Variants in SH3BP2 observed in about 807,000 individuals in gnomAD.
SH3BP2 encodes the protein SH3 domain binding protein 2, also known as SH3 domain-binding protein 2.
SH3BP2 carries 38 observed loss-of-function variants against 56.2 expected under a neutral mutation model. That is an observed-to-expected ratio of 0.68 (90% CI 0.52 to 0.89). SH3BP2 has a LOEUF of 0.89. Ranked by LOEUF, SH3BP2 falls within the 40% of genes least tolerant of loss-of-function variation. The pLI is 0.00. For missense variants in SH3BP2, 748 were observed against 762.6 expected (o/e 0.98, Z 0.23); for synonymous variants, 346 against 316.7 (o/e 1.09, Z -0.98).
intron 7 of SH3BP2, among the ~76,000 whole-genome samples, chr4:2,828,059 C>G (rs984673069): frequency 1.3e-5 from 2 of 152,232 alleles, no homozygotes; most frequent in African/African-American, 4.8e-5. Context: ...CCCACCCCAC[C>G]CCATCCCATC....
intron 1 of SH3BP2, among the ~76,000 whole-genome samples, chr4:2,795,845 C>T (rs991445791): frequency 7.9e-5 from 12 of 152,176 alleles, no homozygotes; most frequent in African/African-American, 2.9e-4. Context: ...TGGAATCCTT[C>T]CTCCAGGATA....
rs111920545 is a variant in SH3BP2, at chr4:2,834,000, G to C, written c.*166G>C. ...GGACCCAGCCAGTCTCATCCAGCAGGTTGGGTTCTAGGGCTGAACCAGGCG... is the reference window on the plus strand; with the variant it reads ...GGACCCAGCCAGTCTCATCCAGCAGCTTGGGTTCTAGGGCTGAACCAGGCG... On this transcript the variant is annotated 3_prime_UTR_variant, in exon 13 of 13. Coordinates refer to ENST00000503393, the MANE Select transcript of SH3BP2 (RefSeq NM_001122681.2). The C allele has an allele frequency of 2.6e-4, 221 of 859,506 alleles. 1 individual carries two copies. In the African/African-American group the frequency reaches 2.9e-3, roughly 11 times the overall value. The allele number at this position is 859,506 out of a possible 1,614,324, so 53.2% of individuals were successfully genotyped here.
intron 12 of SH3BP2, chr4:2,833,255 G>T (rs1725096958): frequency 3.1e-6 from 2 of 636,826 alleles, no homozygotes; most frequent in Non-Finnish European, 5.7e-6. Context: ...GTCCTCCACT[G>T]ACCCTAGTGG....
intron 1 of SH3BP2, among the ~76,000 whole-genome samples, chr4:2,805,238 G>A (rs1723483587): frequency 6.6e-6 from 1 of 152,212 alleles, no homozygotes; most frequent in South Asian, 2.1e-4. Context: ...GGCTGGTGTG[G>A]GCGTGGGGTG....
At chr4:2,798,953 T>TG (rs1317568629) in intron 1 of SH3BP2, 22 of 981,830 alleles carry the variant, frequency 2.2e-5, no homozygotes, top group Non-Finnish European at 2.7e-5. Flanking sequence ...ATCCAGCTGC[T>TG]GGGGCGGGGT....
intron 8 of SH3BP2, among the ~76,000 whole-genome samples, chr4:2,830,384 CAG>C (rs1371566084): frequency 6.6e-6 from 1 of 152,076 alleles, no homozygotes; most frequent in African/African-American, 2.4e-5. Flanking sequence ...CTTTTTGAGA[CAG>C]GGTCTCACGC....
At chr4:2,824,851 GAGA>G in intron 4 of SH3BP2, 121 bp downstream of exon 4, 1 of 809,098 alleles carries the variant, frequency 1.2e-6, no homozygotes, top group Non-Finnish European at 2.1e-6. Context: ...CCCGGGCAAA[GAGA>G]AGGTGTGGCT....
chr4:2,802,402 A>ATGTG (rs1467639495), intron 1 of SH3BP2, among the ~76,000 whole-genome samples: 8 of 100,428 alleles, frequency 8.0e-5, no homozygotes, highest in African/African-American at 2.3e-4. Flanking sequence ...TCAAAAAAAT[A>ATGTG]TATGTGTGTG....
At position 2,800,549 on chromosome 4, in the gene SH3BP2, G is replaced by A. The variant is rs573652838; in HGVS notation, c.-5+7411G>A. Among the ~76,000 whole-genome samples the A allele has an allele frequency of 4.2e-3, 631 of 148,478 alleles. 7 individuals carry two copies. Among genetic ancestry groups the A allele is most frequent in the African/African-American group, 0.015 (600 of 40,638 alleles). On this transcript the variant is annotated intron_variant, in intron 1 of 12. Transcript: ENST00000503393. ...ACGTGGAGGTGCTTGTCCTGTGACC[G>A]CCCCCCCCCCGGGCTGATGACGGGC...
At chr4:2,814,065 C>T (rs1254749139) in intron 1 of SH3BP2, among the ~76,000 whole-genome samples, 1 of 152,222 alleles carries the variant, frequency 6.6e-6, no homozygotes, top group African/African-American at 2.4e-5. Context: ...CTTACCACAG[C>T]CAGGATGATC....
At chr4:2,832,873 C>A in intron 11 of SH3BP2, 117 bp from the exon 12 acceptor site, 1 of 1,049,366 alleles carries the variant, frequency 9.5e-7, no homozygotes, top group Non-Finnish European at 1.5e-6. Context: ...CCCCGCCCCC[C>A]GAGGGCCACA....
rs1327853150 is a variant in SH3BP2, at chr4:2,829,375, C to CT, written c.587-117dup. The CT allele has an allele frequency of 4.8e-5, 50 of 1,049,940 alleles. No individual in the cohort carries two copies. The highest frequency in any genetic ancestry group is 7.0e-5 in the Non-Finnish European group (48 of 680,874). The allele number at this position is 1,049,940 out of a possible 1,614,324, so 65.0% of individuals were successfully genotyped here. ...GGTGCTGGGCTGCTGGGTGGGCAGG[C>CT]TGTGGGGTGGGCCTACCATGGGTTG... On this transcript the variant is annotated intron_variant, in intron 7 of 12. Transcript: ENST00000503393. The surrounding 1 kb of genome is among the most constrained non-coding windows in gnomAD (Gnocchi z 4.9).
chr4:2,829,183 T>G lies in SH3BP2; in HGVS notation c.587-310T>G, dbSNP rs113569031. Among the ~76,000 whole-genome samples the G allele has an allele frequency of 0.011, 1,610 of 152,294 alleles. 22 individuals carry two copies. Among genetic ancestry groups the G allele is most frequent in the African/African-American group, 0.037 (1,527 of 41,540 alleles). On this transcript the variant is annotated intron_variant, in intron 7 of 12. Transcript: ENST00000503393. This position sits in a 1 kb window ranked among gnomAD's most constrained non-coding sequence, Gnocchi z 4.9. ...TCCAGCCGAGCCCTGAGATCCTTCT[T>G]GACTTCTCTTCCTTTCTCTTCCTTC...
intron 1 of SH3BP2, 118 bp downstream of exon 1, chr4:2,793,256 G>C (rs1286620503): frequency 3.5e-5 from 5 of 142,074 alleles, no homozygotes; most frequent in Non-Finnish European, 7.9e-5. Context: ...GGTCTCGGGG[G>C]TCTCGGGGGA....
chr4:2,820,796 G>A (rs1724261111), intron 2 of SH3BP2, 43 bp downstream of exon 2: 1 of 1,583,056 alleles, frequency 6.3e-7, no homozygotes, highest in East Asian at 2.3e-5. Context: ...GAGGGCATGG[G>A]GGCAGGGCTA....
intron 6 of SH3BP2, 79 bp downstream of exon 6, chr4:2,827,397 G>A: frequency 2.9e-6 from 4 of 1,390,070 alleles, no homozygotes; most frequent in Non-Finnish European, 4.1e-6. Context: ...AGGAGAGGGA[G>A]GTGTGTTCGG....
intron 1 of SH3BP2, among the ~76,000 whole-genome samples, chr4:2,793,376 C>A (rs1430257115): frequency 6.8e-6 from 1 of 146,950 alleles, no homozygotes; most frequent in African/African-American, 2.5e-5. Context: ...GTCTCAGGGT[C>A]CCGGCAGGTA....
intron 1 of SH3BP2, among the ~76,000 whole-genome samples, chr4:2,796,995 A>T (rs1475206190): frequency 6.6e-6 from 1 of 152,164 alleles, no homozygotes; most frequent in Non-Finnish European, 1.5e-5. Flanking sequence ...GGTCTAACTC[A>T]TGGGAGGCCA....
At position 2,837,711 on chromosome 4, in the gene SH3BP2, G is replaced by C. The variant is rs735794; in HGVS notation, c.*3877G>C. On this transcript the variant is annotated 3_prime_UTR_variant, in exon 13 of 13. Transcript: ENST00000503393. ...CCACAACCTCTGTTTCTGTGACCCA[G>C]CAGCATCAAGCCCCTCGCTGGGCAC... The C allele has an allele frequency of 0.3, 46,044 of 152,370 alleles. 7,603 individuals are homozygous for C. Among genetic ancestry groups the C allele is most frequent in the East Asian group, 0.47 (2,429 of 5,160 alleles). The allele number at this position is 152,370 out of a possible 1,614,324, so 9.4% of individuals were successfully genotyped here.
Sources: gnomAD v4.1 joint callset for allele counts (sites outside exome capture counted in the v4.1 genomes callset) on GRCh38, gnomAD v4.1.1 for gene constraint, Gnocchi (gnomAD v3.1) non-coding constraint, MANE v1.5 for transcripts, NCBI Gene and HGNC (gene_info 2026-07-23, HGNC 2026-07-21) for gene names.